Variants in SUMF1 observed in about 807,000 individuals in gnomAD.
SUMF1 encodes formylglycine-generating enzyme.
Under a neutral mutation model 47.6 loss-of-function variants are expected in SUMF1, and 48 were observed. The ratio of observed to expected loss-of-function variants is 1.01; its 90% CI spans 0.80 to 1.28. SUMF1 has a LOEUF of 1.28. SUMF1 is among the 50% of genes most tolerant of loss of function. The pLI is 0.00. For synonymous variants in SUMF1, 230 were observed against 192.1 expected, an observed-to-expected ratio of 1.20 and a Z score of -1.63; for missense variants, 571 against 485.4, an observed-to-expected ratio of 1.18 and a Z score of -1.66.
chr3:4,466,127 T>G (rs976670682), intron 1 of SUMF1, among the ~76,000 whole-genome samples: 1 of 152,130 alleles, frequency 6.6e-6, no homozygotes, highest in Non-Finnish European at 1.5e-5. Context: ...CTTTTTTTTT[T>G]TCGAGACGGA....
intron 8 of SUMF1, among the ~76,000 whole-genome samples, chr3:4,106,040 T>C (rs1385598010): frequency 2.6e-5 from 4 of 151,984 alleles, no homozygotes; most frequent in African/African-American, 9.7e-5. Context: ...TTGGTCAAAA[T>C]TGCTTTATCT....
intron 8 of SUMF1, among the ~76,000 whole-genome samples, chr3:4,300,719 G>A (rs1170740361): frequency 1.3e-5 from 2 of 152,210 alleles, no homozygotes; most frequent in African/African-American, 2.4e-5. Context: ...TGAAGTGGGT[G>A]TGAGTGAGAA....
chr3:4,079,395 T>C (rs538942243), intron 8 of SUMF1, among the ~76,000 whole-genome samples: 2 of 152,146 alleles, frequency 1.3e-5, no homozygotes, highest in South Asian at 4.2e-4. Context: ...AGAAGGGTTT[T>C]GATACCATTT....
chr3:4,377,873 G>A (rs1004429674), intron 7 of SUMF1, among the ~76,000 whole-genome samples: 4 of 152,142 alleles, frequency 2.6e-5, no homozygotes, highest in Non-Finnish European at 5.9e-5. Flanking sequence ...AAAAACGCAA[G>A]AGGCCGGGAC....
chr3:4,420,667 A>G (rs932683256), intron 3 of SUMF1, among the ~76,000 whole-genome samples: 1 of 152,088 alleles, frequency 6.6e-6, no homozygotes, highest in Non-Finnish European at 1.5e-5. Context: ...AAGTGCTGGG[A>G]TTACAGGAGT....
At chr3:4,193,389 T>G (rs1346102541) in intron 8 of SUMF1, among the ~76,000 whole-genome samples, 1 of 152,064 alleles carries the variant, frequency 6.6e-6, no homozygotes, top group Non-Finnish European at 1.5e-5. Context: ...AGCAAATTTA[T>G]CAGACTTGAG....
At chr3:4,459,230 GGATTT>G (rs1456891703) in intron 1 of SUMF1, among the ~76,000 whole-genome samples, 2 of 151,998 alleles carry the variant, frequency 1.3e-5, no homozygotes, top group African/African-American at 4.8e-5. Context: ...GTGAGCTGAT[GGATTT>G]GTTAATTAGC....
chr3:4,388,489 T>C (rs1700744780), intron 7 of SUMF1, among the ~76,000 whole-genome samples: 1 of 151,366 alleles, frequency 6.6e-6, no homozygotes, highest in Non-Finnish European at 1.5e-5. Flanking sequence ...AGCATATAAT[T>C]AGGTTGTTTT....
intron 7 of SUMF1, among the ~76,000 whole-genome samples, chr3:4,401,063 T>A (rs543755290): frequency 1.4e-5 from 2 of 147,142 alleles, no homozygotes; most frequent in South Asian, 2.2e-4. Context: ...GAACATGAGG[T>A]GTCTGGTTTT....
chr3:4,141,917 C>G (rs1371502994), intron 8 of SUMF1, among the ~76,000 whole-genome samples: 1 of 152,030 alleles, frequency 6.6e-6, no homozygotes, highest in Non-Finnish European at 1.5e-5. Flanking sequence ...GCCCTAGGAA[C>G]CCACATGTTT....
At chr3:4,421,620 C>A (rs191906844) in intron 3 of SUMF1, among the ~76,000 whole-genome samples, 214 of 152,232 alleles carry the variant, frequency 1.4e-3, no homozygotes, top group African/African-American at 5.0e-3. Flanking sequence ...CCTGGGACCA[C>A]AGGTGTGCGC....
intron 1 of SUMF1, among the ~76,000 whole-genome samples, chr3:4,459,896 A>G (rs779760575): frequency 2.2e-4 from 34 of 152,224 alleles, no homozygotes; most frequent in Non-Finnish European, 4.6e-4. Flanking sequence ...TGAAAATGTT[A>G]GTCTACTGTA....
At chr3:4,435,994 G>A (rs746498209) in intron 3 of SUMF1, among the ~76,000 whole-genome samples, 3 of 152,328 alleles carry the variant, frequency 2.0e-5, no homozygotes, top group Admixed American at 1.3e-4. Context: ...TTTAAAATAT[G>A]TACGAGGCGG....
chr3:4,151,050 G>A (rs188307366), intron 8 of SUMF1, among the ~76,000 whole-genome samples: 5 of 151,380 alleles, frequency 3.3e-5, no homozygotes, highest in African/African-American at 1.2e-4. Context: ...TTCAACAGAG[G>A]ATTAACGTCT....
intron 8 of SUMF1, among the ~76,000 whole-genome samples, chr3:4,195,105 A>C (rs191121009): frequency 1.1e-4 from 16 of 152,290 alleles, no homozygotes; most frequent in African/African-American, 3.8e-4. Flanking sequence ...TCTGTTCTCT[A>C]TAGCAAGGAA....
chr3:4,276,797 A>G (rs1420387861), intron 8 of SUMF1, among the ~76,000 whole-genome samples: 2 of 152,132 alleles, frequency 1.3e-5, no homozygotes, highest in Non-Finnish European at 2.9e-5. Context: ...TTTATTTTCT[A>G]GGTAAATTCC....
chr3:4,434,200 TG>T (rs202147828), intron 3 of SUMF1, among the ~76,000 whole-genome samples: 2,688 of 152,378 alleles, frequency 0.018, 26 homozygotes, highest in African/African-American at 0.024. Context: ...ATAATGTTGA[TG>T]GTTGTATAAC....
intron 8 of SUMF1, among the ~76,000 whole-genome samples, chr3:4,148,979 C>T (rs1326509633): frequency 1.3e-5 from 2 of 151,432 alleles, no homozygotes; most frequent in African/African-American, 4.9e-5. Flanking sequence ...ATTAACCTAT[C>T]ATCCCATTTA....
chr3:4,317,485 C>T (rs759059848), intron 8 of SUMF1: 2 of 406,338 alleles, frequency 4.9e-6, no homozygotes, highest in South Asian at 4.0e-5. Flanking sequence ...TTGTTCAGGA[C>T]CAGCCTGGGC....
Sources: allele counts gnomAD v4.1 joint callset (sites outside exome capture counted in the v4.1 genomes callset), GRCh38; gene constraint gnomAD v4.1.1; transcripts MANE v1.5; gene names NCBI Gene and HGNC (gene_info 2026-07-23, HGNC 2026-07-21).